Variants in GMCL1 observed in about 807,000 individuals in gnomAD.
GMCL1 encodes the protein germ cell-less protein-like 1.
In GMCL1, 54 loss-of-function variants were observed where a neutral mutation model predicts 75.5. The observed-to-expected ratio is 0.71, with a 90% CI of 0.57 to 0.90. GMCL1 has a LOEUF of 0.90. Among genes scored for constraint, GMCL1 ranks in the 40% least tolerant of loss-of-function variants. GMCL1 has a pLI of 0.00. For missense variants in GMCL1, 537 were observed against 622.7 expected (o/e 0.86, Z 1.47); for synonymous variants, 210 against 209.6 (o/e 1.00, Z -0.02).
intron 1 of GMCL1, 37 bp downstream of exon 1, chr2:69,830,189 G>T: frequency 2.6e-6 from 4 of 1,538,676 alleles, no homozygotes; most frequent in Non-Finnish European, 3.5e-6. Flanking sequence ...ACCCGGACCC[G>T]CACCTGTTGG....
intron 5 of GMCL1, among the ~76,000 whole-genome samples, chr2:69,843,593 A>T (rs1675047473): frequency 6.6e-6 from 1 of 152,170 alleles, no homozygotes; most frequent in African/African-American, 2.4e-5. Flanking sequence ...GATTAAGACC[A>T]GCCTGAGCAA....
chr2:69,832,038 T>C (rs1354986219), intron 1 of GMCL1, among the ~76,000 whole-genome samples: 1 of 152,138 alleles, frequency 6.6e-6, no homozygotes, highest in Non-Finnish European at 1.5e-5. Context: ...CTGGCCAACA[T>C]GGCGAAACCC....
At position 69,880,779 on chromosome 2, in the gene GMCL1, C is replaced by T. The variant is rs1676255129; in HGVS notation, c.*1775C>T. On this transcript the variant is annotated 3_prime_UTR_variant, in exon 14 of 14. Coordinates refer to ENST00000282570, the MANE Select transcript of GMCL1 (RefSeq NM_178439.5). ...AGGAGAATCACTTGAACCCAGGAGG[C>T]AGAGGTTGCAGTGAGTGGAGATTGC... is the stretch of plus-strand genomic sequence containing the variant. The T allele has an allele frequency of 1.4e-5, 2 of 144,236 alleles. No individual in the cohort carries two copies. The highest frequency in any genetic ancestry group is 3.0e-5 in the Non-Finnish European group (2 of 67,322). 8.9% of individuals were successfully genotyped at this position (144,236 alleles called of 1,614,324 possible). A position where few individuals can be genotyped will look rare whatever the true frequency, so the allele number is the denominator to read the frequency against.
chr2:69,863,947 C>T (rs1675731711), intron 10 of GMCL1, among the ~76,000 whole-genome samples: 1 of 152,058 alleles, frequency 6.6e-6, no homozygotes, highest in African/African-American at 2.4e-5. Flanking sequence ...AGAATTCACC[C>T]CTCACCTCCA....
chr2:69,844,165 C>A lies in GMCL1; in HGVS notation c.727C>A (p.His243Asn). ...ATGGCTTCTAAACAATTTGATGACT[C>A]ACCAGAATGTTGAACTTTTTAAAGA... ...LEWLLNNLMTHQNVELFKELS... is the reference protein window; with the variant it reads ...LEWLLNNLMTNQNVELFKELS... The change falls in exon 6 of 14, where the codon CAC becomes AAC. Residue 243 changes from histidine (H) to asparagine (N), a missense_variant. Physicochemically the swap from His to Asn is moderately conservative, Grantham distance 68. Coordinates refer to ENST00000282570, the MANE Select transcript of GMCL1 (RefSeq NM_178439.5). 1 of 1,574,456 alleles carries A rather than the reference C, an allele frequency of 6.4e-7. No individual in the cohort carries two copies. The highest frequency in any genetic ancestry group is 8.6e-7 in the Non-Finnish European group (1 of 1,158,958).
intron 9 of GMCL1, 134 bp from the exon 10 acceptor site, chr2:69,861,144 A>G (rs1340077486): frequency 6.3e-6 from 4 of 635,788 alleles, no homozygotes; most frequent in Non-Finnish European, 1.1e-5. Flanking sequence ...TGCTTGGCCT[A>G]AGCTACCTAA....
chr2:69,861,964 T>G (rs1053834263), intron 10 of GMCL1, among the ~76,000 whole-genome samples: 4 of 151,996 alleles, frequency 2.6e-5, no homozygotes, highest in African/African-American at 9.7e-5. Flanking sequence ...ATTGCTCCAC[T>G]GCACTTCCAA....
intron 1 of GMCL1, 84 bp downstream of exon 1, chr2:69,830,236 G>T: frequency 6.8e-7 from 1 of 1,464,368 alleles, no homozygotes; most frequent in Non-Finnish European, 9.1e-7. Flanking sequence ...CGCTTGCGGG[G>T]TGCAGCGCTC....
At position 69,871,912 on chromosome 2, in the gene GMCL1, A is replaced by C. The variant is rs559839508; in HGVS notation, c.1452+80A>C. On this transcript the variant is annotated intron_variant, in intron 13 of 13. Coordinates refer to ENST00000282570, the MANE Select transcript of GMCL1 (RefSeq NM_178439.5). ...TTTTGAAAATTCTTAAGTAGAATTA[A>C]CATTAAAGTGATGGCATTTTGACCT... is the stretch of plus-strand genomic sequence containing the variant. The C allele has an allele frequency of 4.5e-6, 4 of 897,198 alleles. No homozygotes were observed. In the African/African-American group the frequency reaches 6.9e-5, roughly 15 times the overall value. The allele number at this position is 897,198 out of a possible 1,614,324, so 55.6% of individuals were successfully genotyped here.
intron 12 of GMCL1, among the ~76,000 whole-genome samples, chr2:69,871,471 C>T (rs902848614): frequency 6.6e-6 from 1 of 152,034 alleles, no homozygotes; most frequent in Non-Finnish European, 1.5e-5. Flanking sequence ...TATTTAATGC[C>T]ACAGAACTAT....
intron 3 of GMCL1, 33 bp downstream of exon 3, chr2:69,839,586 A>G (rs772649329): frequency 2.4e-6 from 3 of 1,245,740 alleles, no homozygotes; most frequent in Non-Finnish European, 3.5e-6. Context: ...TTATGCAACA[A>G]TCGTAAAAAC....
chr2:69,845,308 C>T (rs1378421081), intron 6 of GMCL1, among the ~76,000 whole-genome samples: 1 of 152,176 alleles, frequency 6.6e-6, no homozygotes, highest in Non-Finnish European at 1.5e-5. Context: ...CACCTGTGGA[C>T]TATGTAGTCC....
chr2:69,833,812 G>A (rs937023111), intron 1 of GMCL1, among the ~76,000 whole-genome samples: 1 of 152,114 alleles, frequency 6.6e-6, no homozygotes, highest in Admixed American at 6.5e-5. Flanking sequence ...TTACATTTAC[G>A]AGACTGTTAA....
intron 12 of GMCL1, 99 bp from the exon 13 acceptor site, chr2:69,871,646 A>AT (rs1675983071): frequency 1.6e-6 from 1 of 643,330 alleles, no homozygotes; most frequent in Admixed American, 3.2e-5. Flanking sequence ...TTATCAAATA[A>AT]AAAACAGAGG....
rs1675037025 is a variant in GMCL1 at position 69,843,231 on chromosome 2, G to A, written c.662G>A (p.Gly221Glu). 1 of 1,602,376 alleles carries A rather than the reference G, an allele frequency of 6.2e-7. No individual in the cohort carries two copies. The highest frequency in any genetic ancestry group is 8.5e-7 in the Non-Finnish European group (1 of 1,170,120). The change falls in exon 5 of 14, where the codon GGG (glycine) becomes GAG (glutamate). Residue 221 changes from glycine (G) to glutamate (E), a missense_variant. By Grantham distance (98) the Gly-to-Glu change is moderately conservative (BLOSUM62 -2). This residue lies in a region of GMCL1 where 345 missense variants were observed against 410.5 expected (regional missense o/e 0.84). Transcript: ENST00000282570. ...KTVCGYYTSA[G>E]TYGLDSVKKK... ...GTATGTGGCTATTACACATCAGCAG[G>A]GACCTATGGATTAGATTCTGTAAAG...
Position 69,869,777 on chromosome 2 carries a change from A to G in GMCL1, c.1277A>G (p.Asn426Ser), listed in dbSNP as rs1379030501. The G allele has an allele frequency of 3.1e-6, 5 of 1,613,854 alleles. No homozygotes were observed. The highest frequency in any genetic ancestry group is 1.3e-5 in the African/African-American group (1 of 74,864). The change falls in exon 12 of 14, where the codon AAT becomes AGT. Residue 426 changes from asparagine to serine, a missense_variant. Asn to Ser is a conservative substitution (Grantham distance 46). Around this residue, in one of 3 missense-constraint regions of GMCL1, gnomAD observed 345 missense variants for 410.5 expected, o/e 0.84. Coordinates refer to ENST00000282570, the MANE Select transcript of GMCL1 (RefSeq NM_178439.5). ...FGFDLLVTYT[N>S]RYIIFKRNTL... Reference sequence around the variant, plus strand: ...TTCGACCTACTTGTAACTTACACCAATCGATACATCATTTTCAAACGCAAT... The same window carrying G: ...TTCGACCTACTTGTAACTTACACCAGTCGATACATCATTTTCAAACGCAAT...
At chr2:69,838,208 G>A (rs375793744) in intron 2 of GMCL1, among the ~76,000 whole-genome samples, 2 of 151,748 alleles carry the variant, frequency 1.3e-5, no homozygotes, top group East Asian at 1.9e-4. Context: ...GTGGTGTTGG[G>A]CACCTGTAAT....
chr2:69,868,524 T>A (rs1388562629), intron 11 of GMCL1, among the ~76,000 whole-genome samples: 1 of 151,512 alleles, frequency 6.6e-6, no homozygotes, highest in Non-Finnish European at 1.5e-5. Flanking sequence ...CCCAGTTGTG[T>A]GTTACTTGAG....
Position 69,829,732 on chromosome 2 carries a change from GA to G in GMCL1, c.-159del. 1.3e-6 allele frequency: 1 copy of G among 771,200 alleles called. No homozygotes were observed. The highest frequency in any genetic ancestry group is 2.0e-6 in the Non-Finnish European group (1 of 505,572). 47.8% of individuals were successfully genotyped at this position (771,200 alleles called of 1,614,324 possible). ...GGCGCGACCGGACGCTGCGGGCGGG[GA>G]AGAGGATGGAGACTGTGGCGTCCGC... On this transcript the variant is annotated 5_prime_UTR_variant, in exon 1 of 14. Transcript: ENST00000282570.
Sources: gnomAD v4.1 joint callset for allele counts (sites outside exome capture counted in the v4.1 genomes callset) on GRCh38, gnomAD v4.1.1 for gene constraint, gnomAD v4.1.1 regional missense constraint, MANE v1.5 for transcripts, NCBI Gene and HGNC (gene_info 2026-07-23, HGNC 2026-07-21) for gene names.